Variants in NEB observed in about 807,000 individuals in gnomAD.
NEB encodes the protein nemaline myopathy type 2.
NEB carries 512 observed loss-of-function variants against 952.2 expected under a neutral mutation model. That is an observed-to-expected ratio of 0.54 (90% CI 0.50 to 0.58). The LOEUF (loss-of-function observed/expected upper bound fraction) is 0.58, where lower values mean the gene tolerates loss of function less well. NEB is among the 20% of genes least tolerant of loss of function. The pLI is 0.00. For missense variants in NEB, 8,428 were observed against 9,231.1 expected (o/e 0.91, Z 3.56); for synonymous variants, 2,900 against 3,149.8 (o/e 0.92, Z 2.66).
chr2:151,660,126 G>T (rs976020272), intron 46 of NEB, among the ~76,000 whole-genome samples: 1 of 152,142 alleles, frequency 6.6e-6, no homozygotes, highest in East Asian at 1.9e-4. Context: ...TCATCGAAGT[G>T]GGGGTACAAA....
In NEB at chr2:151,546,440, T is replaced by C. The variant is rs758370711; in HGVS notation, c.20371A>G (p.Lys6791Glu). The change falls in exon 134 of 182, where the codon AAA becomes GAA. Residue 6791 changes from lysine (K) to glutamate (E), a missense_variant. Physicochemically the swap from Lys to Glu is moderately conservative, Grantham distance 56. Transcript: ENST00000397345. ...AGGACCTGCAAGTCCTCTTTGTATT[T>C]AATCTGAGAGGCAAACACAGAAATA... The part of the protein sequence containing the change: ...RYVGDITSDI[K>E]YKEDLQVLKG... 5.6e-6 allele frequency: 9 copies of C among 1,605,956 alleles called. No individual in the cohort carries two copies. Among genetic ancestry groups the C allele is most frequent in the Non-Finnish European group, 7.7e-6 (9 of 1,172,668 alleles).
intron 10 of NEB, among the ~76,000 whole-genome samples, chr2:151,713,840 G>A (rs2099752086): frequency 6.6e-6 from 1 of 152,166 alleles, no homozygotes; most frequent in African/African-American, 2.4e-5. Flanking sequence ...TGAGAGAATT[G>A]ATTCTGACAG....
At position 151,493,868 on chromosome 2, in the gene NEB, C is replaced by A; in HGVS notation, c.24580-1G>T. 6.5e-7 allele frequency: 1 copy of A among 1,528,596 alleles called. No individual in the cohort carries two copies. The highest frequency in any genetic ancestry group is 8.8e-7 in the Non-Finnish European group (1 of 1,130,874). 94.7% of individuals were successfully genotyped at this position (1,528,596 alleles called of 1,614,324 possible). ...TCCCCAGGTTCTCTTTGTATAACAC[C>A]TGTGAGATACAAAGTCATGCCCGAA... On this transcript the variant is annotated splice_acceptor_variant, in intron 174 of 181. Transcript: ENST00000397345. LOFTEE classifies it high-confidence loss of function.
intron 67 of NEB, 122 bp from the exon 68 acceptor site, chr2:151,629,768 G>C: frequency 6.9e-6 from 5 of 728,494 alleles, no homozygotes; most frequent in Non-Finnish European, 1.1e-5. Flanking sequence ...TCAAGTTTCT[G>C]GCAATAGTGG....
chr2:151,610,733 G>T, intron 79 of NEB, 29 bp downstream of exon 79: 1 of 1,594,146 alleles, frequency 6.3e-7, no homozygotes, highest in Non-Finnish European at 8.6e-7. Context: ...TTAATCTTAG[G>T]TTTAAGCAAC....
chr2:151,497,495 G>C, intron 171 of NEB, 131 bp downstream of exon 171: 1 of 1,484,150 alleles, frequency 6.7e-7, no homozygotes, highest in Non-Finnish European at 8.9e-7. Context: ...AGGAAAAAAG[G>C]ATAAATTTGC....
At chr2:151,731,980 A>G (rs1328832284) in intron 3 of NEB, among the ~76,000 whole-genome samples, 5 of 152,122 alleles carry the variant, frequency 3.3e-5, no homozygotes, top group Non-Finnish European at 1.5e-5. Context: ...TTTCCCTCAT[A>G]TCCTTCAGTA....
chr2:151,497,944 G>A, intron 170 of NEB: 1 of 1,444,190 alleles, frequency 6.9e-7, no homozygotes, highest in Non-Finnish European at 9.0e-7. Context: ...AGTTATCCAT[G>A]TTATTTTTTT....
At chr2:151,653,479 T>C (rs1007396219) in intron 52 of NEB, among the ~76,000 whole-genome samples, 7 of 152,172 alleles carry the variant, frequency 4.6e-5, no homozygotes, top group Non-Finnish European at 8.8e-5. Flanking sequence ...CTTGGGAACT[T>C]AAACCTAAAT....
Position 151,650,553 on chromosome 2 carries a change from T to A in NEB, c.7227+21A>T, listed in dbSNP as rs1398172921. 3.3e-6 allele frequency: 5 copies of A among 1,533,804 alleles called. No homozygotes were observed. In the African/African-American group the frequency reaches 5.6e-5, roughly 17 times the overall value. On this transcript the variant is annotated intron_variant, in intron 53 of 181. Coordinates refer to ENST00000397345, the MANE Select transcript of NEB (RefSeq NM_001164508.2). ...AAAATATGAATTAATATATAAACTA[T>A]TGGATTTAATAGAAACTGACCTCAC...
At chr2:151,554,551 C>A (rs552182544) in intron 125 of NEB, among the ~76,000 whole-genome samples, 1 of 152,056 alleles carries the variant, frequency 6.6e-6, no homozygotes, top group African/African-American at 2.4e-5. Flanking sequence ...CAGAGTGAGA[C>A]CTGTCTTAAA....
chr2:151,730,764 C>T (rs1287252810), intron 3 of NEB, among the ~76,000 whole-genome samples: 1 of 152,102 alleles, frequency 6.6e-6, no homozygotes, highest in African/African-American at 2.4e-5. Flanking sequence ...AGTGAAGTGT[C>T]ATCAAATTAC....
In NEB at chr2:151,548,351, A is replaced by G; in HGVS notation, c.20114T>C (p.Val6705Ala). Residue 6705 changes from valine to alanine, a missense_variant, in exon 131 of 182, where the codon GTT (valine) becomes GCT (alanine). By Grantham distance (64) the Val-to-Ala change is moderately conservative (BLOSUM62 0). Transcript: ENST00000397345. ...AYGYTLGPKD[V>A]PFVHVRRVNN... Reference sequence around the variant, plus strand: ...GACTCTCCGGACGTGGACAAATGGAACATCTTTGGGGCCAAGTGTATACCC... The same window carrying G: ...GACTCTCCGGACGTGGACAAATGGAGCATCTTTGGGGCCAAGTGTATACCC... 1 of 1,613,812 alleles carries G rather than the reference A, an allele frequency of 6.2e-7. No individual in the cohort carries two copies. Among genetic ancestry groups the G allele is most frequent in the Non-Finnish European group, 8.5e-7 (1 of 1,179,742 alleles).
chr2:151,562,651 T>C lies in NEB; in HGVS notation c.18851A>G (p.Asn6284Ser), dbSNP rs1390659900. Reference protein sequence around the residue: ...HQWTSLLEEPNVIRVRNAQEI... With the variant: ...HQWTSLLEEPSVIRVRNAQEI... ...CTGGGCGTTTCGGACGCGTATAACATTGGGTTCTTCCAGAAGAGACGTCCA... is the reference window on the plus strand; with the variant it reads ...CTGGGCGTTTCGGACGCGTATAACACTGGGTTCTTCCAGAAGAGACGTCCA... Residue 6284 changes from asparagine (N) to serine (S), a missense_variant, in exon 120 of 182, where the codon AAT becomes AGT. Asn to Ser is a conservative substitution (Grantham distance 46, BLOSUM62 1). Around this residue, in one of 11 missense-constraint regions of NEB, gnomAD observed 3,374 missense variants for 3,651.5 expected, o/e 0.92. Coordinates refer to ENST00000397345, the MANE Select transcript of NEB (RefSeq NM_001164508.2). 1 of 1,595,054 alleles carries C rather than the reference T, an allele frequency of 6.3e-7. No individual in the cohort carries two copies. The highest frequency in any genetic ancestry group is 8.6e-7 in the Non-Finnish European group (1 of 1,165,154).
chr2:151,568,176 A>C lies in NEB; in HGVS notation c.17739T>G (p.Tyr5913Ter), dbSNP rs1379393820. The C allele has an allele frequency of 6.2e-7, 1 of 1,612,608 alleles. No individual in the cohort carries two copies. Among genetic ancestry groups the C allele is most frequent in the African/African-American group, 1.3e-5 (1 of 74,974 alleles). The change falls in exon 113 of 182, where the codon TAT becomes TAG. Residue 5913 changes from tyrosine to a stop codon, truncating the protein, a stop_gained and splice_region_variant. Coordinates refer to ENST00000397345, the MANE Select transcript of NEB (RefSeq NM_001164508.2). LOFTEE classifies it high-confidence loss of function. ...GTCTCTCCCAGCCTTCCTTGTAGAG[A>C]TACTGAAAGACAGAGCCACCATAAA... The part of the protein sequence containing the change: ...AQEAARILDQ[Y>*]LYKEGWERQK...
chr2:151,605,815 T>C lies in NEB; in HGVS notation c.12747+791A>G, dbSNP rs1459930199. 4.2e-5 allele frequency among the ~76,000 whole-genome samples: 4 copies of C among 96,330 alleles called. 2 individuals are homozygous for C. The highest frequency in any genetic ancestry group is 5.8e-5 in the African/African-American group (2 of 34,404). 63.2% of individuals were successfully genotyped at this position (96,330 alleles called of 152,430 possible). A position where few individuals can be genotyped will look rare whatever the true frequency, so the allele number is the denominator to read the frequency against. ...ATTATTCTATTTTTATTTTTATTTT[T>C]TTTGAAACGCAGTTTCAGTCTTGTT... On this transcript the variant is annotated intron_variant, in intron 84 of 181. Transcript: ENST00000397345.
At chr2:151,625,501 G>A in intron 71 of NEB, 33 bp downstream of exon 71, 1 of 1,470,246 alleles carries the variant, frequency 6.8e-7, no homozygotes, top group Non-Finnish European at 9.4e-7. Context: ...AATCAATGTG[G>A]CCAGACCAAA....
rs778102984 is a variant in NEB, at chr2:151,506,166, C to T, written c.23649G>A (p.Ser7883=). ...RVKQTQDHIS[S]VKYKEAIGQG... is the part of the protein sequence containing the mutation. ...GCAAGTGCATTCACTGTGTCTTTAC[C>T]GAGCTAATGTGGTCCTGTGTTTGTT... is the stretch of plus-strand genomic sequence containing the variant. The change falls in exon 164 of 182, where the codon TCG becomes TCA. Residue 7883 remains serine (S), a splice_region_variant and synonymous_variant. Coordinates refer to ENST00000397345, the MANE Select transcript of NEB (RefSeq NM_001164508.2). 8.1e-6 allele frequency: 13 copies of T among 1,606,962 alleles called. No homozygotes were observed. The highest frequency in any genetic ancestry group is 6.7e-5 in the East Asian group (3 of 44,852).
intron 137 of NEB, 106 bp from the exon 138 acceptor site, chr2:151,540,554 A>G (rs996504738): frequency 6.3e-6 from 7 of 1,117,630 alleles, no homozygotes; most frequent in Non-Finnish European, 7.8e-6. Flanking sequence ...ACACACTTTA[A>G]GAGAATAGCT....
Sources: gnomAD v4.1 joint callset for allele counts (sites outside exome capture counted in the v4.1 genomes callset) on GRCh38, gnomAD v4.1.1 for gene constraint, gnomAD v4.1.1 regional missense constraint, MANE v1.5 for transcripts, NCBI Gene and HGNC (gene_info 2026-07-23, HGNC 2026-07-21) for gene names.